The following THOC2 variants were observed in gnomAD, a reference collection of about 807,000 sequenced individuals.
THOC2 encodes the protein THO complex 2.
THOC2 carries 10 observed loss-of-function variants against 128.4 expected under a neutral mutation model. The observed-to-expected ratio is 0.08, with a 90% confidence interval of 0.05 to 0.13. The LOEUF (loss-of-function observed/expected upper bound fraction) is 0.13. THOC2 is among the 10% of genes least tolerant of loss of function. THOC2 has a pLI of 1.00. For missense variants in THOC2, 535 were observed against 1,155.7 expected (o/e 0.46, Z 7.79); for synonymous variants, 393 against 396.9 (o/e 0.99, Z 0.12).
intron 8 of THOC2, among the ~76,000 whole-genome samples, chrX:123,673,318 G>A (rs769091214): frequency 7.1e-5 from 8 of 111,950 alleles, no homozygotes; most frequent in Non-Finnish European, 1.3e-4. Context: ...CAGCCTGGGC[G>A]ACAAAGAGAG....
chrX:123,715,356 T>C (rs1237899229), intron 1 of THOC2, among the ~76,000 whole-genome samples: 3 of 110,466 alleles, frequency 2.7e-5, no homozygotes, highest in Non-Finnish European at 5.7e-5. Flanking sequence ...CCTTTTTCTT[T>C]TTTAATCTCA....
At chrX:123,666,415 T>C (rs908798287) in intron 11 of THOC2, among the ~76,000 whole-genome samples, 2 of 111,340 alleles carry the variant, frequency 1.8e-5, no homozygotes, top group African/African-American at 6.5e-5. Context: ...TGCCCCACTG[T>C]GGAGTCACAG....
chrX:123,671,519 A>C, intron 9 of THOC2, 150 bp downstream of exon 9: 1 of 324,287 alleles, frequency 3.1e-6, no homozygotes, highest in Non-Finnish European at 5.6e-6. Flanking sequence ...TTATAAAGTA[A>C]ACACAAATCA....
chrX:123,604,055 AT>A (rs2046380012), intron 38 of THOC2: 1 of 112,821 alleles, frequency 8.9e-6, no homozygotes, highest in African/African-American at 3.2e-5. Flanking sequence ...TTTATTAACT[AT>A]TTTTTAATAT....
chrX:123,706,915 A>G lies in THOC2; in HGVS notation c.165T>C (p.His55=), dbSNP rs760520889. The change falls in exon 3 of 39, where the codon CAT becomes CAC. Residue 55 remains histidine, a synonymous_variant. Coordinates refer to ENST00000245838, the MANE Select transcript of THOC2 (RefSeq NM_001081550.2). Reference sequence around the variant, plus strand: ...CATGCTTTAGATTTCCTTTAATTACATGATATGACAACTCATAGAGAGCTT... The same window carrying G: ...CATGCTTTAGATTTCCTTTAATTACGTGATATGACAACTCATAGAGAGCTT... ...FQQALYELSY[H]VIKGNLKHEQ... 2.3e-5 allele frequency: 27 copies of G among 1,162,375 alleles called. No homozygotes were observed. Among genetic ancestry groups the G allele is most frequent in the Non-Finnish European group, 2.8e-5 (24 of 866,516 alleles).
chrX:123,731,962 T>C (rs2052283529), intron 1 of THOC2, among the ~76,000 whole-genome samples: 1 of 111,475 alleles, frequency 9.0e-6, no homozygotes, highest in Non-Finnish European at 1.9e-5. Context: ...AGCTTTAGCA[T>C]CTAAAAGCGA....
At chrX:123,645,285 G>T in intron 13 of THOC2, 49 bp downstream of exon 13, 1 of 913,217 alleles carries the variant, frequency 1.1e-6, no homozygotes, top group Non-Finnish European at 1.5e-6. Flanking sequence ...GTAATATACT[G>T]TAGCAAGACA....
chrX:123,705,069 G>C (rs1471665684), intron 3 of THOC2, among the ~76,000 whole-genome samples: 5 of 111,249 alleles, frequency 4.5e-5, no homozygotes, highest in Non-Finnish European at 9.4e-5. Flanking sequence ...GAAACTAAAA[G>C]AAATTCTAAA....
intron 1 of THOC2, among the ~76,000 whole-genome samples, chrX:123,715,978 T>C (rs2051399258): frequency 9.0e-6 from 1 of 110,605 alleles, no homozygotes; most frequent in Non-Finnish European, 1.9e-5. Flanking sequence ...TATAAGAGGC[T>C]ACTACACCAT....
chrX:123,718,380 G>A (rs761380788), intron 1 of THOC2, among the ~76,000 whole-genome samples: 1 of 111,836 alleles, frequency 8.9e-6, no homozygotes, highest in Non-Finnish European at 1.9e-5. Context: ...ACACTGGTCT[G>A]GGCTATAATT....
At chrX:123,644,011 T>A (rs1034191487) in intron 15 of THOC2, among the ~76,000 whole-genome samples, 6 of 112,627 alleles carry the variant, frequency 5.3e-5, no homozygotes, top group Non-Finnish European at 1.1e-4. Context: ...CTGAAGTACA[T>A]GATTTTCATA....
At chrX:123,634,309 A>AAT (rs749150331) in intron 19 of THOC2, among the ~76,000 whole-genome samples, 11 of 111,509 alleles carry the variant, frequency 9.9e-5, no homozygotes, top group Non-Finnish European at 1.9e-4. Flanking sequence ...GAAAAATAAC[A>AAT]ATAGTACAAA....
intron 38 of THOC2, among the ~76,000 whole-genome samples, chrX:123,610,613 AC>A (rs2046667756): frequency 8.9e-6 from 1 of 111,846 alleles, no homozygotes; most frequent in Non-Finnish European, 1.9e-5. Context: ...GGCAATAAGG[AC>A]TTTAAAAACA....
chrX:123,725,630 A>AC, intron 1 of THOC2, among the ~76,000 whole-genome samples: 1 of 106,417 alleles, frequency 9.4e-6, no homozygotes, highest in African/African-American at 3.4e-5. Flanking sequence ...AAAAAAAAAA[A>AC]AAAAAAAACC....
chrX:123,623,161 G>A lies in THOC2; in HGVS notation c.3626C>T (p.Ser1209Phe), dbSNP rs1666536676. The A allele has an allele frequency of 5.0e-6, 6 of 1,209,807 alleles. No individual in the cohort carries two copies. Among genetic ancestry groups the A allele is most frequent in the Non-Finnish European group, 5.6e-6 (5 of 895,036 alleles). The change falls in exon 29 of 39, where the codon TCT becomes TTT. Residue 1209 changes from serine (S) to phenylalanine (F), a missense_variant. By Grantham distance (155) the Ser-to-Phe change is radical. This residue lies in a region of THOC2 where 116 missense variants were observed against 180.0 expected (regional missense o/e 0.64). Coordinates refer to ENST00000245838, the MANE Select transcript of THOC2 (RefSeq NM_001081550.2). ...AGATGCACTTCCTATTGATGATGAA[G>A]AAGGCCCACCACCAGGCCCATTTTG... ...SVQNGPGGGPSSSSIGSASKS... is the reference protein window; with the variant it reads ...SVQNGPGGGPFSSSIGSASKS...
chrX:123,689,092 G>A (rs1401118652), intron 7 of THOC2, among the ~76,000 whole-genome samples: 1 of 112,230 alleles, frequency 8.9e-6, no homozygotes, highest in Non-Finnish European at 1.9e-5. Flanking sequence ...TCTTTTAAGT[G>A]CTTCATTCAC....
chrX:123,626,211 C>A, intron 24 of THOC2, 142 bp from the exon 25 acceptor site: 1 of 458,492 alleles, frequency 2.2e-6, no homozygotes, highest in Non-Finnish European at 3.6e-6. Flanking sequence ...AAATGTCATG[C>A]CTGGTCATGA....
chrX:123,725,459 A>T (rs2147995226), intron 1 of THOC2, among the ~76,000 whole-genome samples: 1 of 106,776 alleles, frequency 9.4e-6, no homozygotes, highest in Non-Finnish European at 1.9e-5. Context: ...AAAAAAAAGT[A>T]GCCAAGTGTG....
intron 8 of THOC2, among the ~76,000 whole-genome samples, chrX:123,681,118 C>T (rs2049759125): frequency 9.0e-6 from 1 of 111,356 alleles, no homozygotes; most frequent in Non-Finnish European, 1.9e-5. Context: ...CAGTAGGAAC[C>T]GTATTTCAAG....
Sources: gnomAD v4.1 joint callset for allele counts (sites outside exome capture counted in the v4.1 genomes callset) on GRCh38, gnomAD v4.1.1 for gene constraint, gnomAD v4.1.1 regional missense constraint, MANE v1.5 for transcripts, NCBI Gene and HGNC (gene_info 2026-07-23, HGNC 2026-07-21) for gene names.